Variants in PARD3 observed in about 807,000 individuals in gnomAD.
The protein encoded by PARD3 is partitioning defective 3 homolog.
Under a neutral mutation model 155.4 loss-of-function variants are expected in PARD3, and 75 were observed. The observed-to-expected ratio is 0.48, with a 90% CI of 0.40 to 0.58. The LOEUF (loss-of-function observed/expected upper bound fraction) is 0.58, where lower values mean the gene tolerates loss of function less well. PARD3 is among the 20% of genes least tolerant of loss of function. PARD3 has a pLI of 0.00. For missense variants in PARD3, 1,642 were observed against 1,721.7 expected (o/e 0.95, Z 0.82); for synonymous variants, 576 against 610.5 (o/e 0.94, Z 0.83).
chr10:34,623,134 C>T (rs929400115), intron 2 of PARD3, among the ~76,000 whole-genome samples: 5 of 152,026 alleles, frequency 3.3e-5, no homozygotes, highest in African/African-American at 9.7e-5. Context: ...CAAAGACACA[C>T]AAAAGCATAT....
intron 4 of PARD3, 61 bp downstream of exon 4, chr10:34,470,012 ACACGACACTCAT>A (rs900241879): frequency 4.7e-5 from 60 of 1,266,776 alleles, no homozygotes; most frequent in Non-Finnish European, 6.2e-5. Flanking sequence ...TTTACCCAAG[ACACGACACTCAT>A]CACGGACACC....
intron 2 of PARD3, among the ~76,000 whole-genome samples, chr10:34,553,767 C>A (rs1017653894): frequency 1.3e-5 from 2 of 152,198 alleles, no homozygotes; most frequent in African/African-American, 4.8e-5. Context: ...TAGCTCAACA[C>A]ATAAATAAGC....
intron 1 of PARD3, among the ~76,000 whole-genome samples, chr10:34,768,909 C>T (rs79307313): frequency 6.6e-6 from 1 of 152,168 alleles, no homozygotes; most frequent in East Asian, 1.9e-4. Flanking sequence ...CAGTTCCCAG[C>T]GCCGAACTCC....
At chr10:34,200,896 T>C (rs1205648537) in intron 22 of PARD3, among the ~76,000 whole-genome samples, 1 of 152,222 alleles carries the variant, frequency 6.6e-6, no homozygotes, top group Non-Finnish European at 1.5e-5. Flanking sequence ...CTTCTGCTAT[T>C]TCAGAAACAG....
rs528536899 is a variant in PARD3 at position 34,459,811 on chromosome 10, A to T, written c.583-9363T>A. Among the ~76,000 whole-genome samples the T allele has an allele frequency of 6.6e-4, 101 of 152,314 alleles. 1 individual carries two copies. The South Asian group carries it at 7.3e-3, about 11-fold the overall frequency. On this transcript the variant is annotated intron_variant, in intron 4 of 24. Coordinates refer to ENST00000374788, the MANE Select transcript of PARD3 (RefSeq NM_001184785.2). ...TTAAATCACATATAACTAGTCTGAC[A>T]ATGTAAGATAATTACCACTTTCTTC...
intron 2 of PARD3, among the ~76,000 whole-genome samples, chr10:34,621,228 GGGGTTTCTTTGAGGGGA>G (rs2091656613): frequency 6.6e-6 from 1 of 151,838 alleles, no homozygotes; most frequent in Non-Finnish European, 1.5e-5. Context: ...TGTTGTTTTG[GGGGTTTCTTTGAGGGGA>G]GGGAAGAGTC....
intron 2 of PARD3, among the ~76,000 whole-genome samples, chr10:34,641,076 A>C (rs181806683): frequency 7.0e-4 from 106 of 152,312 alleles, no homozygotes; most frequent in African/African-American, 2.5e-3. Flanking sequence ...AACAATATAC[A>C]CACAAAAGTA....
Position 34,111,024 on chromosome 10 carries a change from T to C in PARD3, c.*145A>G, listed in dbSNP as rs1946357281. On this transcript the variant is annotated 3_prime_UTR_variant, in exon 25 of 25. Coordinates refer to ENST00000374788, the MANE Select transcript of PARD3 (RefSeq NM_001184785.2). ...CAAAGACATTAAGGCCTTCCATTTC[T>C]TTGCCTACACCGCTTAAAGGCACTG... The C allele has an allele frequency of 1.2e-6, 1 of 835,810 alleles. No individual in the cohort carries two copies. Among genetic ancestry groups the C allele is most frequent in the African/African-American group, 1.7e-5 (1 of 59,456 alleles). 51.8% of individuals were successfully genotyped at this position (835,810 alleles called of 1,614,324 possible).
chr10:34,522,629 G>A (rs1274126560), intron 2 of PARD3, among the ~76,000 whole-genome samples: 1 of 151,678 alleles, frequency 6.6e-6, no homozygotes, highest in Non-Finnish European at 1.5e-5. Flanking sequence ...CTGTGTCTTG[G>A]ATCTACACAG....
intron 2 of PARD3, among the ~76,000 whole-genome samples, chr10:34,687,844 A>ATTTTTTT (rs1564509050): frequency 1.0e-4 from 6 of 57,352 alleles, no homozygotes; most frequent in South Asian, 1.0e-3. Context: ...TACACCTGAA[A>ATTTTTTT]TCTTTTTTTT....
At chr10:34,230,144 T>C (rs896849022) in intron 22 of PARD3, among the ~76,000 whole-genome samples, 1 of 152,106 alleles carries the variant, frequency 6.6e-6, no homozygotes, top group Non-Finnish European at 1.5e-5. Flanking sequence ...CTGTTTCTAT[T>C]TAATACATTG....
intron 22 of PARD3, among the ~76,000 whole-genome samples, chr10:34,249,368 A>G (rs935131124): frequency 2.0e-5 from 3 of 152,186 alleles, no homozygotes; most frequent in African/African-American, 7.2e-5. Flanking sequence ...AGGAATTTTT[A>G]CTCGGCATCA....
At chr10:34,257,753 A>G (rs2133783879) in intron 22 of PARD3, among the ~76,000 whole-genome samples, 1 of 152,358 alleles carries the variant, frequency 6.6e-6, no homozygotes, top group Non-Finnish European at 1.5e-5. Context: ...CATTACTTCT[A>G]CAAACAAATT....
chr10:34,459,992 A>C (rs1198264506), intron 4 of PARD3, among the ~76,000 whole-genome samples: 4 of 152,186 alleles, frequency 2.6e-5, no homozygotes, highest in African/African-American at 4.8e-5. Context: ...GATACTTTTT[A>C]TCTTAATGTA....
intron 2 of PARD3, among the ~76,000 whole-genome samples, chr10:34,548,214 C>G (rs976989971): frequency 6.6e-6 from 1 of 152,096 alleles, no homozygotes; most frequent in Non-Finnish European, 1.5e-5. Context: ...GGCAGGCGGG[C>G]GTGGTGGCTC....
intron 2 of PARD3, among the ~76,000 whole-genome samples, chr10:34,639,315 G>C (rs2092590033): frequency 2.0e-5 from 3 of 151,802 alleles, no homozygotes; most frequent in Admixed American, 2.0e-4. Flanking sequence ...AGAATCCCTT[G>C]AACACAGGAG....
intron 2 of PARD3, among the ~76,000 whole-genome samples, chr10:34,599,667 C>A (rs1363011754): frequency 2.0e-5 from 3 of 152,166 alleles, no homozygotes; most frequent in Admixed American, 1.3e-4. Context: ...TCTCATTTTA[C>A]TTTCATAATT....
chr10:34,762,332 C>T (rs769372219), intron 1 of PARD3, among the ~76,000 whole-genome samples: 3 of 151,722 alleles, frequency 2.0e-5, no homozygotes, highest in South Asian at 2.1e-4. Flanking sequence ...CTCACTCTGT[C>T]GCCCAGGCTG....
At chr10:34,119,484 T>C in intron 24 of PARD3, 129 bp downstream of exon 24, 1 of 893,930 alleles carries the variant, frequency 1.1e-6, no homozygotes, top group South Asian at 2.2e-5. Flanking sequence ...GGGACATTTA[T>C]TGGTTCCTCT....
Sources: gnomAD v4.1 joint callset for allele counts (sites outside exome capture counted in the v4.1 genomes callset) on GRCh38, gnomAD v4.1.1 for gene constraint, MANE v1.5 for transcripts, NCBI Gene and HGNC (gene_info 2026-07-23, HGNC 2026-07-21) for gene names.